The following COCH variants were observed in gnomAD, a reference collection of about 807,000 sequenced individuals.
COCH encodes cochlin.
In COCH, 40 loss-of-function variants were observed where a neutral mutation model predicts 54.8. That is an observed-to-expected ratio of 0.73 (90% confidence interval 0.57 to 0.95). The LOEUF (loss-of-function observed/expected upper bound fraction) is 0.95, where lower values mean the gene tolerates loss of function less well. COCH is among the 40% of genes least tolerant of loss of function. COCH has a pLI of 0.00. For synonymous variants in COCH, 256 were observed against 237.9 expected (o/e 1.08, Z -0.70); for missense variants, 605 against 675.0 (o/e 0.90, Z 1.15).
rs1325512875 is a variant in COCH, at chr14:30,875,085, G to A, written c.64G>A (p.Ala22Thr). 1.3e-6 allele frequency: 2 copies of A among 1,585,964 alleles called. No homozygotes were observed. The highest frequency in any genetic ancestry group is 1.7e-6 in the Non-Finnish European group (2 of 1,166,778). The change falls in exon 3 of 12, where the codon GCG becomes ACG. Residue 22 changes from alanine to threonine, a missense_variant. Coordinates refer to ENST00000396618, the MANE Select transcript of COCH (RefSeq NM_004086.3). ...GTGTCTGCTGCTGCTGCCGGGGCCC[G>A]CGGGCAGCGAGGGAGCCGGTGAGTG... ...GVCLLLLPGPAGSEGAAPIAI... is the reference protein window; with the variant it reads ...GVCLLLLPGPTGSEGAAPIAI...
chr14:30,875,159 G>A (rs1895309833), intron 3 of COCH, 56 bp downstream of exon 3: 14 of 1,540,054 alleles, frequency 9.1e-6, no homozygotes, highest in Non-Finnish European at 1.1e-5. Context: ...GCACCAGCGG[G>A]TACAAGCGGG....
downstream of COCH, among the ~76,000 whole-genome samples, chr14:30,893,646 A>T (rs1896052080): frequency 1.3e-5 from 2 of 152,172 alleles, no homozygotes. Flanking sequence ...GGTTATTTTG[A>T]ATTGCATAAT....
chr14:30,880,655 CA>C lies in COCH; in HGVS notation c.551del (p.Gln184ArgfsTer10). 1 of 1,613,976 alleles carries C rather than the reference CA, an allele frequency of 6.2e-7. No homozygotes were observed. Among genetic ancestry groups the C allele is most frequent in the Non-Finnish European group, 8.5e-7 (1 of 1,179,948 alleles). On this transcript the variant is annotated frameshift_variant, in exon 8 of 12. Transcript: ENST00000396618. LOFTEE classifies it high-confidence loss of function. Reference protein sequence around the residue: ...FNIGQRRFNLQKNFVGKVALM... With the variant: ...FNIGQRRFNLXKNFVGKVALM... ...TATTGGGCAGCGCCGATTTAATTTACAGAAGAATTTTGTTGGAAAAGTGGCT... is the reference window on the plus strand; with the variant it reads ...TATTGGGCAGCGCCGATTTAATTTACGAAGAATTTTGTTGGAAAAGTGGCT...
At chr14:30,886,551 T>A (rs1414740478) in intron 11 of COCH, among the ~76,000 whole-genome samples, 1 of 152,192 alleles carries the variant, frequency 6.6e-6, no homozygotes, top group Non-Finnish European at 1.5e-5. Context: ...GGCTCCAGAG[T>A]GCACATTCCT....
chr14:30,874,823 G>A (rs999983090), intron 1 of COCH, 93 bp from the exon 2 acceptor site: 3 of 1,247,130 alleles, frequency 2.4e-6, no homozygotes, highest in African/African-American at 1.5e-5. Context: ...CCTCTGCGCC[G>A]CGCCCGGGGA....
downstream of COCH, among the ~76,000 whole-genome samples, chr14:30,893,238 G>C (rs988163771): frequency 2.1e-5 from 3 of 140,184 alleles, no homozygotes; most frequent in Non-Finnish European, 3.0e-5. Flanking sequence ...TGCAAGCTCC[G>C]CCTCCCGGAC....
chr14:30,889,847 G>A lies in COCH; in HGVS notation c.*56G>A. On this transcript the variant is annotated 3_prime_UTR_variant, in exon 12 of 12. Transcript: ENST00000396618. ...TACAAGGGGATCCAGTGTGTAAATT[G>A]TATTCTCATAATACTGAAATGCTTT... The A allele has an allele frequency of 1.3e-6, 2 of 1,577,286 alleles. No homozygotes were observed. Among genetic ancestry groups the A allele is most frequent in the East Asian group, 2.3e-5 (1 of 44,226 alleles).
At chr14:30,889,586 T>C (rs754582949) in intron 11 of COCH, 30 bp from the exon 12 acceptor site, 1 of 1,604,390 alleles carries the variant, frequency 6.2e-7, no homozygotes, top group South Asian at 1.1e-5. Flanking sequence ...GACCTGATTT[T>C]CAATTCACTT....
chr14:30,885,084 T>C (rs555911251), intron 9 of COCH: 1 of 1,573,694 alleles, frequency 6.4e-7, no homozygotes, highest in East Asian at 2.2e-5. Context: ...AGCACATGCA[T>C]GGAAGTGGGA....
At position 30,877,517 on chromosome 14, in the gene COCH, A is replaced by C. The variant is rs556449902; in HGVS notation, c.83-55A>C. ...AATCTCACACTGTAGTCTCCCCACCACTATGCCCCAAGAAGTCCTAAGAAT... is the reference window on the plus strand; with the variant it reads ...AATCTCACACTGTAGTCTCCCCACCCCTATGCCCCAAGAAGTCCTAAGAAT... On this transcript the variant is annotated intron_variant, in intron 3 of 11. Coordinates refer to ENST00000396618, the MANE Select transcript of COCH (RefSeq NM_004086.3). The surrounding 1 kb of genome is among the most constrained non-coding windows in gnomAD (Gnocchi z 8.6). 75 of 1,604,286 alleles carry C rather than the reference A, an allele frequency of 4.7e-5. 1 individual carries two copies. The South Asian group carries it at 8.3e-4, about 18-fold the overall frequency.
chr14:30,887,970 C>A (rs1316034621), intron 11 of COCH, among the ~76,000 whole-genome samples: 1 of 152,154 alleles, frequency 6.6e-6, no homozygotes, highest in African/African-American at 2.4e-5. Context: ...GTTCAGGAGG[C>A]TGGACTACAC....
At chr14:30,893,042 T>G (rs1461640452), downstream of COCH, among the ~76,000 whole-genome samples, 2 of 152,116 alleles carry the variant, frequency 1.3e-5, no homozygotes, top group Non-Finnish European at 2.9e-5. Context: ...AAGAAAAGTT[T>G]CAAAATATTG....
At chr14:30,876,230 G>C (rs919694067) in intron 3 of COCH, 1 of 152,072 alleles carries the variant, frequency 6.6e-6, no homozygotes, top group African/African-American at 2.4e-5. Context: ...ATTTAGTATC[G>C]ACAGTAAATT....
At chr14:30,892,507 T>A (rs1323095232), downstream of COCH, among the ~76,000 whole-genome samples, 1 of 151,958 alleles carries the variant, frequency 6.6e-6, no homozygotes, top group African/African-American at 2.4e-5. Flanking sequence ...AAATGGTATT[T>A]AAAAAAAACT....
intron 11 of COCH, chr14:30,889,213 T>C (rs1336741941): frequency 4.4e-6 from 1 of 229,820 alleles, no homozygotes; most frequent in Middle Eastern, 1.7e-3. Context: ...TACTGTTTGA[T>C]GCAGGCCAAC....
rs754016575 is a variant in COCH, at chr14:30,877,591, T to A, written c.102T>A (p.Cys34Ter). Reference sequence around the variant, plus strand: ...CTTCAGCTCCCATTGCTATCACATGTTTTACCAGAGGCTTGGACATCAGGA... The same window carrying A: ...CTTCAGCTCCCATTGCTATCACATGATTTACCAGAGGCTTGGACATCAGGA... ...SEGAAPIAIT[C>*]FTRGLDIRKE... is the part of the protein sequence containing the mutation. Residue 34 changes from cysteine to a stop codon, truncating the protein, a stop_gained, in exon 4 of 12, where the codon TGT becomes TGA. Coordinates refer to ENST00000396618, the MANE Select transcript of COCH (RefSeq NM_004086.3). LOFTEE classifies it high-confidence loss of function. This position sits in a 1 kb window ranked among gnomAD's most constrained non-coding sequence, Gnocchi z 8.6. 1 of 1,614,162 alleles carries A rather than the reference T, an allele frequency of 6.2e-7. No individual in the cohort carries two copies. The highest frequency in any genetic ancestry group is 1.1e-5 in the South Asian group (1 of 91,082).
At chr14:30,888,407 T>C (rs764403855) in intron 11 of COCH, among the ~76,000 whole-genome samples, 2 of 152,018 alleles carry the variant, frequency 1.3e-5, no homozygotes, top group Admixed American at 1.3e-4. Flanking sequence ...CTTAGATCTG[T>C]AGAGGAAAAC....
intron 11 of COCH, 54 bp downstream of exon 11, chr14:30,886,366 T>C: frequency 6.3e-7 from 1 of 1,582,760 alleles, no homozygotes; most frequent in African/African-American, 1.3e-5. Flanking sequence ...GTTCAGTGAA[T>C]TTAGGAGTAA....
intron 6 of COCH, among the ~76,000 whole-genome samples, chr14:30,879,715 C>T (rs996819162): frequency 6.6e-6 from 1 of 152,240 alleles, no homozygotes; most frequent in Non-Finnish European, 1.5e-5. Flanking sequence ...GCAATCATAG[C>T]TCACTGCAGC....
Sources: allele counts gnomAD v4.1 joint callset (sites outside exome capture counted in the v4.1 genomes callset), GRCh38; gene constraint gnomAD v4.1.1; non-coding constraint Gnocchi (gnomAD v3.1); transcripts MANE v1.5; gene names NCBI Gene and HGNC (gene_info 2026-07-23, HGNC 2026-07-21).